Variants in DYNC2H1 observed in about 807,000 individuals in gnomAD.
The protein encoded by DYNC2H1 is cytoplasmic dynein 2 heavy chain 1.
A neutral mutation model predicts 570.0 loss-of-function variants in DYNC2H1; 410 were observed. The observed-to-expected ratio is 0.72, with a 90% CI of 0.66 to 0.78. The LOEUF (loss-of-function observed/expected upper bound fraction) is 0.78. Ranked by LOEUF, DYNC2H1 falls within the 30% of genes least tolerant of loss-of-function variation. DYNC2H1 has a pLI of 0.00. For synonymous variants in DYNC2H1, 1,688 were observed against 1,677.6 expected (o/e 1.01, Z -0.15); for missense variants, 4,865 against 5,046.4 (o/e 0.96, Z 1.09).
chr11:103,386,729 CTA>C (rs1941892468), intron 83 of DYNC2H1, among the ~76,000 whole-genome samples: 1 of 152,090 alleles, frequency 6.6e-6, no homozygotes. Flanking sequence ...CAATTCCCAC[CTA>C]TGAGTGAGAA....
rs1049463692 is a variant in DYNC2H1 at position 103,268,818 on chromosome 11, C to G, written c.10695+8841C>G. Among the ~76,000 whole-genome samples the G allele has an allele frequency of 6.6e-6, 1 of 151,926 alleles. No homozygotes were observed. Among genetic ancestry groups the G allele is most frequent in the African/African-American group, 2.4e-5 (1 of 41,406 alleles). On this transcript the variant is annotated intron_variant, in intron 70 of 88. Transcript: ENST00000375735. This position sits in a 1 kb window ranked among gnomAD's most constrained non-coding sequence, Gnocchi z 4.6. Reference sequence around the variant, plus strand: ...AGCTTTTCTTATTAGGAGTTAGTTGCTTGTTTCTAAGCTATGTGTCTTATC... The same window carrying G: ...AGCTTTTCTTATTAGGAGTTAGTTGGTTGTTTCTAAGCTATGTGTCTTATC...
chr11:103,134,998 A>G (rs915095056), intron 15 of DYNC2H1, among the ~76,000 whole-genome samples: 3 of 152,138 alleles, frequency 2.0e-5, no homozygotes, highest in Non-Finnish European at 4.4e-5. Context: ...CAAAAGTACT[A>G]CTAGAATGGA....
Position 103,254,446 on chromosome 11 carries a change from T to G in DYNC2H1, c.10207-969T>G, listed in dbSNP as rs563342125. On this transcript the variant is annotated intron_variant, in intron 66 of 88. Transcript: ENST00000375735. The surrounding 1 kb of genome is among the most constrained non-coding windows in gnomAD (Gnocchi z 4.9). ...GAGTTAACAATTTGACATAGCATTTTTCAACAGCTTCACAGATAACAGCTT... is the reference window on the plus strand; with the variant it reads ...GAGTTAACAATTTGACATAGCATTTGTCAACAGCTTCACAGATAACAGCTT... Among the ~76,000 whole-genome samples, 9 of 152,330 alleles carry G rather than the reference T, an allele frequency of 5.9e-5. No homozygotes were observed. Among genetic ancestry groups the G allele is most frequent in the African/African-American group, 2.2e-4 (9 of 41,588 alleles).
chr11:103,359,789 C>T lies in DYNC2H1; in HGVS notation c.12156+1430C>T, dbSNP rs138157754. On this transcript the variant is annotated intron_variant, in intron 83 of 88. Coordinates refer to ENST00000375735, the MANE Select transcript of DYNC2H1 (RefSeq NM_001377.3). Reference sequence around the variant, plus strand: ...AAGTGATTCTCCTGCCTCAGCCACCCGAGTAGCTGGGACTACAGGTGCACA... The same window carrying T: ...AAGTGATTCTCCTGCCTCAGCCACCTGAGTAGCTGGGACTACAGGTGCACA... Among the ~76,000 whole-genome samples, 624 of 151,910 alleles carry T rather than the reference C, an allele frequency of 4.1e-3. 8 individuals are homozygous for T. The East Asian group carries it at 0.042, about 10-fold the overall frequency.
intron 82 of DYNC2H1, among the ~76,000 whole-genome samples, chr11:103,343,686 C>G (rs1443068410): frequency 6.6e-6 from 1 of 152,090 alleles, no homozygotes; most frequent in Non-Finnish European, 1.5e-5. Flanking sequence ...CACTGCATTC[C>G]TGTCTGGGCA....
chr11:103,285,885 G>A (rs1167079829), intron 73 of DYNC2H1, among the ~76,000 whole-genome samples: 1 of 152,152 alleles, frequency 6.6e-6, no homozygotes, highest in Non-Finnish European at 1.5e-5. Context: ...GACAAAGAGA[G>A]TCTTTGTTAA....
chr11:103,127,566 A>G (rs138872724), intron 12 of DYNC2H1, among the ~76,000 whole-genome samples: 126 of 152,320 alleles, frequency 8.3e-4, no homozygotes, highest in Non-Finnish European at 1.4e-3. Flanking sequence ...TAGTTAAGAA[A>G]TATTTTTAAA....
chr11:103,110,046 A>G (rs887200540), intron 1 of DYNC2H1, among the ~76,000 whole-genome samples: 3 of 152,144 alleles, frequency 2.0e-5, no homozygotes, highest in African/African-American at 7.2e-5. Flanking sequence ...AAATTTTTAT[A>G]CGGAGTTTCG....
At chr11:103,413,468 T>C (rs2135694564) in intron 84 of DYNC2H1, among the ~76,000 whole-genome samples, 1 of 152,312 alleles carries the variant, frequency 6.6e-6, no homozygotes, top group East Asian at 1.9e-4. Flanking sequence ...TGCTTTTACT[T>C]AAGAAGACTG....
rs80084928 is a variant in DYNC2H1 at position 103,465,904 on chromosome 11, A to T, written c.12649-2685A>T. Among the ~76,000 whole-genome samples the T allele has an allele frequency of 6.6e-6, 1 of 152,186 alleles. No individual in the cohort carries two copies. Among genetic ancestry groups the T allele is most frequent in the Admixed American group, 6.5e-5 (1 of 15,278 alleles). On this transcript the variant is annotated intron_variant, in intron 87 of 88. Coordinates refer to ENST00000375735, the MANE Select transcript of DYNC2H1 (RefSeq NM_001377.3). This position sits in a 1 kb window ranked among gnomAD's most constrained non-coding sequence, Gnocchi z 4.9. The stretch of plus-strand genomic sequence containing the variant: ...CAAAGCAATTTAAAAGACCAGCCCA[A>T]GTTCAAGGGGTAGAAAAGAAACTCC...
chr11:103,331,775 G>C (rs2135462023), intron 82 of DYNC2H1, among the ~76,000 whole-genome samples: 1 of 152,192 alleles, frequency 6.6e-6, no homozygotes, highest in Non-Finnish European at 1.5e-5. Flanking sequence ...TAAAAGTTCT[G>C]ATGAGGCCAG....
intron 83 of DYNC2H1, among the ~76,000 whole-genome samples, chr11:103,383,972 T>C (rs990080082): frequency 2.0e-5 from 3 of 152,224 alleles, no homozygotes; most frequent in African/African-American, 4.8e-5. Context: ...GGTATAGATG[T>C]CTATTATGTA....
intron 73 of DYNC2H1, among the ~76,000 whole-genome samples, chr11:103,285,998 G>A (rs1317799542): frequency 6.6e-6 from 1 of 152,152 alleles, no homozygotes; most frequent in African/African-American, 2.4e-5. Flanking sequence ...AGGTACAAAT[G>A]TTTTTACATA....
intron 84 of DYNC2H1, among the ~76,000 whole-genome samples, chr11:103,420,708 ACAAAAGCTCCTGCAGGAAG>A (rs1565584390): frequency 6.6e-6 from 1 of 152,238 alleles, no homozygotes; most frequent in Non-Finnish European, 1.5e-5. Context: ...GGCCTGCCTT[ACAAAAGCTCCTGCAGGAAG>A]CACTAAATAT....
chr11:103,459,820 C>T (rs910333316), intron 87 of DYNC2H1, among the ~76,000 whole-genome samples: 11 of 151,046 alleles, frequency 7.3e-5, no homozygotes, highest in African/African-American at 2.0e-4. Context: ...GGCGCGGTGG[C>T]GGGCGCCTGT....
chr11:103,186,458 A>C lies in DYNC2H1; in HGVS notation c.6850A>C (p.Lys2284Gln). 1 of 1,612,378 alleles carries C rather than the reference A, an allele frequency of 6.2e-7. No homozygotes were observed. Among genetic ancestry groups the C allele is most frequent in the East Asian group, 2.2e-5 (1 of 44,812 alleles). ...YFKPWLSSDT[K>Q]QPFILVGPEG... ...CAAACCATGGTTAAGTTCTGATACT[A>C]AACAGCCCTTTATTCTGGTAGGACC... The change falls in exon 42 of 89, where the codon AAA (lysine) becomes CAA (glutamine). Residue 2284 changes from lysine (K) to glutamine (Q), a missense_variant. Physicochemically the swap from Lys to Gln is moderately conservative, Grantham distance 53. Transcript: ENST00000375735. The surrounding 1 kb of genome is among the most constrained non-coding windows in gnomAD (Gnocchi z 4.5).
chr11:103,154,273 A>AGG (rs1860703900), intron 22 of DYNC2H1, among the ~76,000 whole-genome samples, 178 bp from the exon 23 acceptor site: 1 of 152,076 alleles, frequency 6.6e-6, no homozygotes, highest in Non-Finnish European at 1.5e-5. Flanking sequence ...CATAGTAAAT[A>AGG]GGTAGTTTCT....
intron 88 of DYNC2H1, among the ~76,000 whole-genome samples, chr11:103,477,776 A>G (rs963587367): frequency 1.4e-5 from 2 of 141,046 alleles, no homozygotes; most frequent in African/African-American, 5.2e-5. Context: ...GCTTGCAGTG[A>G]GCCGAAATTA....
intron 55 of DYNC2H1, among the ~76,000 whole-genome samples, chr11:103,219,577 A>G (rs949390603): frequency 1.3e-5 from 2 of 152,164 alleles, no homozygotes; most frequent in African/African-American, 4.8e-5. Flanking sequence ...GTGCTCTTAC[A>G]CTCCAGCCTG....
Sources: gnomAD v4.1 joint callset for allele counts (sites outside exome capture counted in the v4.1 genomes callset) on GRCh38, gnomAD v4.1.1 for gene constraint, Gnocchi (gnomAD v3.1) non-coding constraint, MANE v1.5 for transcripts, NCBI Gene and HGNC (gene_info 2026-07-23, HGNC 2026-07-21) for gene names.